The following KCND3 variants were observed in gnomAD, a reference collection of about 807,000 sequenced individuals.
KCND3 encodes the protein potassium voltage-gated channel subfamily D member 3, also known as A-type voltage-gated potassium channel KCND3.
KCND3 carries 9 observed loss-of-function variants against 51.1 expected under a neutral mutation model. The ratio of observed to expected loss-of-function variants is 0.18; its 90% CI spans 0.11 to 0.31. The LOEUF is 0.31. Ranked by LOEUF, KCND3 falls within the 10% of genes least tolerant of loss-of-function variation. The pLI, the probability that KCND3 is intolerant of heterozygous loss-of-function variation, is 1.00. For synonymous variants in KCND3, 349 were observed against 368.0 expected (o/e 0.95, Z 0.59); for missense variants, 526 against 903.8 (o/e 0.58, Z 5.36).
chr1:111,881,045 T>C (rs1230988117), intron 2 of KCND3, among the ~76,000 whole-genome samples: 11 of 152,178 alleles, frequency 7.2e-5, no homozygotes. Context: ...AGCTCTCCCA[T>C]CTCAGCTGCT....
At chr1:111,778,199 C>T (rs1397745185) in intron 6 of KCND3, among the ~76,000 whole-genome samples, 3 of 152,134 alleles carry the variant, frequency 2.0e-5, no homozygotes, top group African/African-American at 4.8e-5. Flanking sequence ...CCATGTTCCA[C>T]CACCCCTTCC....
intron 2 of KCND3, among the ~76,000 whole-genome samples, chr1:111,894,142 G>A (rs910730133): frequency 3.3e-5 from 5 of 152,178 alleles, no homozygotes; most frequent in South Asian, 4.1e-4. Flanking sequence ...GAACGAGGGC[G>A]CTGTGGTGTG....
intron 2 of KCND3, among the ~76,000 whole-genome samples, chr1:111,905,725 T>G (rs1005565643): frequency 6.6e-6 from 1 of 152,144 alleles, no homozygotes; most frequent in African/African-American, 2.4e-5. Flanking sequence ...CATGGTCCAG[T>G]GAGTCTCAGC....
intron 2 of KCND3, among the ~76,000 whole-genome samples, chr1:111,829,127 G>A (rs977827843): frequency 2.0e-5 from 3 of 152,238 alleles, no homozygotes; most frequent in African/African-American, 4.8e-5. Flanking sequence ...AGTGTTATGA[G>A]TGTTAAACAG....
Position 111,780,784 on chromosome 1 carries a change from C to T in KCND3, c.1277G>A (p.Arg426His), listed in dbSNP as rs760274429. Residue 426 changes from arginine to histidine, a missense_variant, in exon 4 of 8, where the codon CGC becomes CAC. Arg to His is a conservative substitution (Grantham distance 29). Transcript: ENST00000302127. This position sits in a 1 kb window ranked among gnomAD's most constrained non-coding sequence, Gnocchi z 4.2. ...ADKRRAQKKA[R>H]LARIRVAKTG... ...TTTGGCCACACGGATCCTGGCAAGG[C>T]GGGCCTTCTGTGATTGGCAGAGATA... 1.6e-5 allele frequency: 25 copies of T among 1,612,692 alleles called. No individual in the cohort carries two copies. The highest frequency in any genetic ancestry group is 2.2e-5 in the South Asian group (2 of 90,534).
intron 2 of KCND3, among the ~76,000 whole-genome samples, chr1:111,962,286 C>G (rs981297031): frequency 1.3e-5 from 2 of 152,206 alleles, no homozygotes; most frequent in Non-Finnish European, 1.5e-5. Flanking sequence ...AACACATGCT[C>G]TTATTAACCC....
chr1:111,777,647 G>A (rs1181473242), intron 6 of KCND3, among the ~76,000 whole-genome samples: 4 of 152,186 alleles, frequency 2.6e-5, no homozygotes, highest in Non-Finnish European at 5.9e-5. Context: ...TCTGCCAGAG[G>A]TGGCAGATAA....
intron 2 of KCND3, among the ~76,000 whole-genome samples, chr1:111,882,479 G>A (rs936190397): frequency 6.6e-6 from 1 of 152,226 alleles, no homozygotes; most frequent in Admixed American, 6.5e-5. Flanking sequence ...AGGCCAAGAA[G>A]TGGCCTAGAG....
rs573823950 is a variant in KCND3, at chr1:111,984,922, G to C, written c.-72-2124C>G. On this transcript the variant is annotated intron_variant, in intron 1 of 7. Transcript: ENST00000302127. ...TCTTCCTTTGGGCTCTTGACTCGTT[G>C]TTTGCCCCTCTTCCCTAGCACCTAT... is the stretch of plus-strand genomic sequence containing the variant. Among the ~76,000 whole-genome samples the C allele has an allele frequency of 2.0e-4, 31 of 152,166 alleles. No individual in the cohort carries two copies. In the South Asian group the frequency reaches 5.8e-3, roughly 29 times the overall value.
chr1:111,796,516 C>G (rs774722739), intron 2 of KCND3, among the ~76,000 whole-genome samples: 8 of 152,158 alleles, frequency 5.3e-5, no homozygotes, highest in Non-Finnish European at 1.0e-4. Flanking sequence ...CCTTAGCAAA[C>G]TAAGTCAGGA....
intron 2 of KCND3, among the ~76,000 whole-genome samples, chr1:111,895,613 TC>T (rs1472529246): frequency 6.6e-6 from 1 of 152,192 alleles, no homozygotes; most frequent in Non-Finnish European, 1.5e-5. Context: ...GTTCCCTAGA[TC>T]AGTCACCTTC....
intron 2 of KCND3, among the ~76,000 whole-genome samples, chr1:111,813,339 A>G (rs561168184): frequency 6.6e-6 from 1 of 152,346 alleles, no homozygotes; most frequent in Admixed American, 6.5e-5. Flanking sequence ...AAAATTACAT[A>G]TTTTTAAAAA....
In KCND3 at chr1:111,848,523, T is replaced by C. The variant is rs1010397089; in HGVS notation, c.1107-61417A>G. ...ATCTGTCTATATAGCTGCAAACAAA[T>C]AGGCTCACAGATACTCAAGCCAAAC... On this transcript the variant is annotated intron_variant, in intron 2 of 7. Transcript: ENST00000302127. Among the ~76,000 whole-genome samples the C allele has an allele frequency of 2.6e-5, 4 of 152,126 alleles. No individual in the cohort carries two copies. In the South Asian group the frequency reaches 6.2e-4, roughly 24 times the overall value.
chr1:111,808,041 C>T (rs550951988), intron 2 of KCND3, among the ~76,000 whole-genome samples: 120 of 152,178 alleles, frequency 7.9e-4, no homozygotes, highest in Middle Eastern at 3.4e-3. Flanking sequence ...AAGTAAGCAA[C>T]GAATGGGTTT....
chr1:111,896,028 G>T (rs182478614), intron 2 of KCND3, among the ~76,000 whole-genome samples: 1 of 152,336 alleles, frequency 6.6e-6, no homozygotes, highest in East Asian at 1.9e-4. Flanking sequence ...TTAAATGACT[G>T]CCAGGATGCG....
intron 2 of KCND3, among the ~76,000 whole-genome samples, chr1:111,955,129 T>G (rs1036447948): frequency 6.6e-6 from 1 of 152,166 alleles, no homozygotes; most frequent in Non-Finnish European, 1.5e-5. Flanking sequence ...CAACCCTATA[T>G]CCCTGCCCGG....
intron 2 of KCND3, among the ~76,000 whole-genome samples, chr1:111,914,834 C>T (rs1316294465): frequency 6.6e-6 from 1 of 151,454 alleles, no homozygotes; most frequent in Non-Finnish European, 1.5e-5. Context: ...GAATAAAAAA[C>T]ACTGGGAATA....
chr1:111,860,646 T>A (rs1018187908), intron 2 of KCND3, among the ~76,000 whole-genome samples: 1 of 152,208 alleles, frequency 6.6e-6, no homozygotes, highest in Non-Finnish European at 1.5e-5. Context: ...GAAATCATAG[T>A]GACAGTTCCA....
chr1:111,884,931 C>T (rs1669501590), intron 2 of KCND3, among the ~76,000 whole-genome samples: 1 of 152,104 alleles, frequency 6.6e-6, no homozygotes, highest in South Asian at 2.1e-4. Flanking sequence ...CGGTCCTGTG[C>T]ATTGTGAAAT....
Sources: gnomAD v4.1 joint callset for allele counts (sites outside exome capture counted in the v4.1 genomes callset) on GRCh38, gnomAD v4.1.1 for gene constraint, Gnocchi (gnomAD v3.1) non-coding constraint, MANE v1.5 for transcripts, NCBI Gene and HGNC (gene_info 2026-07-23, HGNC 2026-07-21) for gene names.